ATXN7L1: variants seen among roughly 807,000 people sequenced by gnomAD.
ATXN7L1 encodes ataxin-7-like protein 1.
Under a neutral mutation model 70.8 loss-of-function variants are expected in ATXN7L1, and 15 were observed. The ratio of observed to expected loss-of-function variants is 0.21; its 90% CI spans 0.14 to 0.33. The LOEUF is 0.33. Ranked by LOEUF, ATXN7L1 falls within the 10% of genes least tolerant of loss-of-function variation. The pLI, the probability that ATXN7L1 is intolerant of heterozygous loss-of-function variation, is 1.00. For missense variants in ATXN7L1, 975 were observed against 1,097.1 expected, an observed-to-expected ratio of 0.89 and a Z score of 1.57; for synonymous variants, 440 against 445.1, an observed-to-expected ratio of 0.99 and a Z score of 0.14.
intron 3 of ATXN7L1, among the ~76,000 whole-genome samples, chr7:105,710,045 C>A (rs952168382): frequency 6.6e-6 from 1 of 151,628 alleles, no homozygotes; most frequent in Admixed American, 6.6e-5. Context: ...GCTAATTTTT[C>A]TTTTGTAGAG....
At chr7:105,823,945 G>A (rs944857705) in intron 2 of ATXN7L1, among the ~76,000 whole-genome samples, 4 of 152,104 alleles carry the variant, frequency 2.6e-5, no homozygotes, top group Non-Finnish European at 5.9e-5. Context: ...AGAGTCTGAA[G>A]GTTTGTTTAC....
chr7:105,614,050 G>A lies in ATXN7L1; in HGVS notation c.2284C>T (p.His762Tyr). The A allele has an allele frequency of 6.4e-7, 1 of 1,551,906 alleles. No homozygotes were observed. Among genetic ancestry groups the A allele is most frequent in the South Asian group, 1.2e-5 (1 of 84,064 alleles). The stretch of plus-strand genomic sequence containing the variant: ...AGGGGCAGAGAAGACACAGCATTGT[G>A]TGAGGCCAGAGAGAGGTCCCCTGCG... The part of the protein sequence containing the change: ...LHAGDLSLAS[H>Y]NAVSSLPLSF... Residue 762 changes from histidine (H) to tyrosine (Y), a missense_variant, in exon 10 of 12, where the codon CAC becomes TAC. Physicochemically the swap from His to Tyr is moderately conservative, Grantham distance 83. Transcript: ENST00000419735. The surrounding 1 kb of genome is among the most constrained non-coding windows in gnomAD (Gnocchi z 4.3).
chr7:105,633,141 A>G (rs2115865364), intron 7 of ATXN7L1, among the ~76,000 whole-genome samples: 1 of 152,286 alleles, frequency 6.6e-6, no homozygotes, highest in Non-Finnish European at 1.5e-5. Flanking sequence ...ATACTCAAAT[A>G]GATTATCAAT....
intron 3 of ATXN7L1, among the ~76,000 whole-genome samples, chr7:105,757,225 G>A (rs921651293): frequency 8.6e-6 from 1 of 115,638 alleles, no homozygotes; most frequent in Admixed American, 9.1e-5. Flanking sequence ...AGGTTTGTGA[G>A]GCCTCCTCTC....
chr7:105,623,833 CT>C (rs1292251890), intron 8 of ATXN7L1, among the ~76,000 whole-genome samples: 1 of 152,194 alleles, frequency 6.6e-6, no homozygotes, highest in Non-Finnish European at 1.5e-5. Context: ...ATTTTTTCCC[CT>C]TTTTTCTTTT....
chr7:105,841,535 A>G (rs773291783), intron 2 of ATXN7L1, among the ~76,000 whole-genome samples: 7 of 152,100 alleles, frequency 4.6e-5, no homozygotes, highest in Non-Finnish European at 8.8e-5. Context: ...TGGGATATGA[A>G]TCATCCCTTT....
At chr7:105,755,043 C>T (rs1192039158) in intron 3 of ATXN7L1, among the ~76,000 whole-genome samples, 2 of 137,598 alleles carry the variant, frequency 1.5e-5, no homozygotes, top group Non-Finnish European at 3.1e-5. Flanking sequence ...CCAGGTCCAA[C>T]AAGGAAAAAA....
At chr7:105,717,664 T>C (rs570208033) in intron 3 of ATXN7L1, among the ~76,000 whole-genome samples, 1 of 152,328 alleles carries the variant, frequency 6.6e-6, no homozygotes, top group African/African-American at 2.4e-5. Context: ...CCAATTTACA[T>C]AACCAGCAGC....
At chr7:105,631,146 A>C (rs1478292844) in intron 7 of ATXN7L1, among the ~76,000 whole-genome samples, 1 of 152,172 alleles carries the variant, frequency 6.6e-6, no homozygotes, top group Admixed American at 6.5e-5. Flanking sequence ...AATTATTTAA[A>C]TGTATGGTAA....
intron 3 of ATXN7L1, among the ~76,000 whole-genome samples, chr7:105,673,880 C>T (rs1409351762): frequency 4.6e-5 from 7 of 152,240 alleles, no homozygotes; most frequent in Non-Finnish European, 1.0e-4. Flanking sequence ...AGATACTAAA[C>T]TTACTGCCAT....
chr7:105,717,514 G>A (rs1400167148), intron 3 of ATXN7L1, among the ~76,000 whole-genome samples: 2 of 152,092 alleles, frequency 1.3e-5, no homozygotes, highest in African/African-American at 2.4e-5. Context: ...TTGCTATTAT[G>A]GATAATTCTG....
chr7:105,649,459 G>C lies in ATXN7L1; in HGVS notation c.579-6338C>G, dbSNP rs1399355431. 5.1e-6 allele frequency: 5 copies of C among 987,614 alleles called. No homozygotes were observed. In the East Asian group the frequency reaches 5.7e-4, roughly 112 times the overall value. 61.2% of individuals were successfully genotyped at this position (987,614 alleles called of 1,614,324 possible). On this transcript the variant is annotated intron_variant, in intron 4 of 11. Transcript: ENST00000419735. ...GCCCACGTCTTCTTCCTTTGTGCTT[G>C]GCCTGTCTGAATTTATCTTTCTAGA...
chr7:105,717,059 T>A (rs1036499017), intron 3 of ATXN7L1, among the ~76,000 whole-genome samples: 9 of 152,140 alleles, frequency 5.9e-5, no homozygotes, highest in African/African-American at 9.7e-5. Context: ...TAAAAAGTGA[T>A]CATACTAAGC....
At chr7:105,611,152 A>T (rs775203966) in intron 10 of ATXN7L1, among the ~76,000 whole-genome samples, 5 of 152,204 alleles carry the variant, frequency 3.3e-5, no homozygotes, top group African/African-American at 4.8e-5. Context: ...CTTCTCCTTC[A>T]TGTGGATGGA....
At chr7:105,768,252 A>G (rs1801536586) in intron 3 of ATXN7L1, among the ~76,000 whole-genome samples, 1 of 152,236 alleles carries the variant, frequency 6.6e-6, no homozygotes, top group South Asian at 2.1e-4. Context: ...ATCATTTCTA[A>G]TAATAACCTT....
chr7:105,684,129 T>C (rs977913410), intron 3 of ATXN7L1, among the ~76,000 whole-genome samples: 1 of 152,152 alleles, frequency 6.6e-6, no homozygotes, highest in Non-Finnish European at 1.5e-5. Context: ...TAGTGGCACC[T>C]CCCGAGTTCA....
intron 3 of ATXN7L1, among the ~76,000 whole-genome samples, chr7:105,684,550 C>T (rs1368492422): frequency 6.6e-6 from 1 of 152,206 alleles, no homozygotes; most frequent in Non-Finnish European, 1.5e-5. Context: ...TTATTTCACA[C>T]ATTTTGCTGC....
At chr7:105,801,045 C>T (rs183630894) in intron 2 of ATXN7L1, among the ~76,000 whole-genome samples, 1 of 152,262 alleles carries the variant, frequency 6.6e-6, no homozygotes, top group East Asian at 1.9e-4. Flanking sequence ...GCCTCAGTTT[C>T]CTCATCTGCA....
At chr7:105,695,748 T>C (rs1007984229) in intron 3 of ATXN7L1, among the ~76,000 whole-genome samples, 7 of 152,216 alleles carry the variant, frequency 4.6e-5, no homozygotes, top group Non-Finnish European at 1.0e-4. Context: ...ACTGAAAATA[T>C]TGGACCAAAT....
Sources: allele counts gnomAD v4.1 joint callset (sites outside exome capture counted in the v4.1 genomes callset), GRCh38; gene constraint gnomAD v4.1.1; non-coding constraint Gnocchi (gnomAD v3.1); transcripts MANE v1.5; gene names NCBI Gene and HGNC (gene_info 2026-07-23, HGNC 2026-07-21).